Variants in TRPM3 observed in about 807,000 individuals in gnomAD.
TRPM3 encodes long transient receptor potential channel 3.
In TRPM3, 77 loss-of-function variants were observed where a neutral mutation model predicts 181.2. The observed-to-expected ratio is 0.42, with a 90% confidence interval of 0.35 to 0.51. The LOEUF is 0.51. Ranked by LOEUF, TRPM3 falls within the 20% of genes least tolerant of loss-of-function variation. The probability of loss-of-function intolerance (pLI) is 0.01; values close to 1 mark genes in which losing one functional copy is unlikely to be tolerated. For synonymous variants in TRPM3, 745 were observed against 796.4 expected (o/e 0.94, Z 1.09); for missense variants, 1,759 against 2,196.7 (o/e 0.80, Z 3.98).
chr9:71,337,189 G>A (rs1381963029), intron 1 of TRPM3, among the ~76,000 whole-genome samples: 4 of 150,846 alleles, frequency 2.7e-5, no homozygotes, highest in African/African-American at 7.3e-5. Context: ...GAAGCCCATC[G>A]ACAAAGGGCT....
chr9:70,962,490 G>A (rs940349405), intron 1 of TRPM3, among the ~76,000 whole-genome samples: 23 of 152,020 alleles, frequency 1.5e-4, no homozygotes, highest in African/African-American at 5.3e-4. Flanking sequence ...CTCTGCAATG[G>A]GGATATTATA....
intron 1 of TRPM3, among the ~76,000 whole-genome samples, chr9:71,237,243 A>G (rs946892820): frequency 6.6e-6 from 1 of 152,202 alleles, no homozygotes; most frequent in Non-Finnish European, 1.5e-5. Context: ...TTTTGATCAG[A>G]GACTTAATAT....
chr9:71,439,846 C>T (rs1402454477), intron 1 of TRPM3, among the ~76,000 whole-genome samples: 7 of 152,014 alleles, frequency 4.6e-5, no homozygotes, highest in South Asian at 2.1e-4. Context: ...TTAGGCTGGG[C>T]GCAGTGGCTC....
intron 6 of TRPM3, among the ~76,000 whole-genome samples, chr9:70,793,896 A>G (rs1278327514): frequency 6.6e-6 from 1 of 152,140 alleles, no homozygotes; most frequent in African/African-American, 2.4e-5. Context: ...GTGTTAGATG[A>G]TTGTACCCAT....
At chr9:70,591,596 C>A (rs2058120728) in intron 21 of TRPM3, among the ~76,000 whole-genome samples, 1 of 152,118 alleles carries the variant, frequency 6.6e-6, no homozygotes, top group Non-Finnish European at 1.5e-5. Context: ...CTCTTTGGGT[C>A]TCTTTCTTCT....
chr9:70,962,128 T>C (rs3010429), intron 1 of TRPM3, among the ~76,000 whole-genome samples: 7,025 of 152,188 alleles, frequency 0.046, 265 homozygotes, highest in African/African-American at 0.1. Flanking sequence ...ACACACAAAA[T>C]GGACTGATTT....
intron 1 of TRPM3, among the ~76,000 whole-genome samples, chr9:71,320,041 T>C (rs1316462704): frequency 1.3e-5 from 2 of 151,926 alleles, no homozygotes; most frequent in Non-Finnish European, 2.9e-5. Context: ...TGGAAGAAGA[T>C]GGGAATATGA....
intron 9 of TRPM3, among the ~76,000 whole-genome samples, chr9:70,665,313 C>T (rs917856025): frequency 2.0e-5 from 3 of 152,040 alleles, no homozygotes; most frequent in East Asian, 1.9e-4. Flanking sequence ...TTTGAAGAAT[C>T]GAAGCTATAT....
At chr9:71,240,140 G>A (rs928349148) in intron 1 of TRPM3, among the ~76,000 whole-genome samples, 4 of 152,282 alleles carry the variant, frequency 2.6e-5, no homozygotes, top group Middle Eastern at 3.4e-3. Context: ...TTACATAAAT[G>A]TAGTTTCTTT....
chr9:71,086,478 C>T (rs956782883), intron 1 of TRPM3, among the ~76,000 whole-genome samples: 3 of 151,876 alleles, frequency 2.0e-5, no homozygotes, highest in Admixed American at 6.6e-5. Flanking sequence ...GATTTAGATG[C>T]CCATCACCAA....
At chr9:71,077,402 T>C (rs541136140) in intron 1 of TRPM3, among the ~76,000 whole-genome samples, 1 of 152,288 alleles carries the variant, frequency 6.6e-6, no homozygotes, top group South Asian at 2.1e-4. Context: ...GCTTCATCAT[T>C]TGACTCATCA....
At chr9:71,345,151 A>G (rs1026676788) in intron 1 of TRPM3, among the ~76,000 whole-genome samples, 1 of 152,330 alleles carries the variant, frequency 6.6e-6, no homozygotes, top group Non-Finnish European at 1.5e-5. Context: ...GGGAATGTAC[A>G]TTAGTTCAAC....
chr9:71,387,640 C>T (rs1168430171), intron 1 of TRPM3, among the ~76,000 whole-genome samples: 1 of 152,056 alleles, frequency 6.6e-6, no homozygotes, highest in Non-Finnish European at 1.5e-5. Context: ...TATTTTATTA[C>T]TTATTAAAAT....
intron 6 of TRPM3, among the ~76,000 whole-genome samples, chr9:70,793,235 T>C (rs2085976629): frequency 6.6e-6 from 1 of 152,020 alleles, no homozygotes; most frequent in African/African-American, 2.4e-5. Flanking sequence ...GGGAGGATCA[T>C]TTGAGCCCAG....
intron 1 of TRPM3, among the ~76,000 whole-genome samples, chr9:70,961,920 T>C (rs924002995): frequency 1.3e-5 from 2 of 152,156 alleles, no homozygotes; most frequent in Non-Finnish European, 2.9e-5. Flanking sequence ...CAGATTTTCA[T>C]AGAGACTCTA....
At chr9:70,599,201 C>T (rs969401757) in intron 20 of TRPM3, among the ~76,000 whole-genome samples, 1 of 152,114 alleles carries the variant, frequency 6.6e-6, no homozygotes, top group Non-Finnish European at 1.5e-5. Flanking sequence ...ACTGGTATCC[C>T]CATCATCGTC....
intron 7 of TRPM3, among the ~76,000 whole-genome samples, chr9:70,770,035 CT>C (rs2079916577): frequency 6.6e-6 from 1 of 152,144 alleles, no homozygotes; most frequent in Non-Finnish European, 1.5e-5. Flanking sequence ...GATCCTTTTC[CT>C]TTTAATCAGA....
intron 1 of TRPM3, among the ~76,000 whole-genome samples, chr9:70,938,354 C>A (rs1207904387): frequency 6.6e-6 from 1 of 152,180 alleles, no homozygotes; most frequent in Non-Finnish European, 1.5e-5. Flanking sequence ...GTCACCAACG[C>A]CACTGGATAA....
At chr9:71,109,843 G>A (rs2070657587) in intron 1 of TRPM3, among the ~76,000 whole-genome samples, 1 of 152,090 alleles carries the variant, frequency 6.6e-6, no homozygotes, top group Admixed American at 6.6e-5. Flanking sequence ...ATAAAGAGGA[G>A]TAACTGAACC....
Sources: allele counts gnomAD v4.1 joint callset (sites outside exome capture counted in the v4.1 genomes callset), GRCh38; gene constraint gnomAD v4.1.1; transcripts MANE v1.5; gene names NCBI Gene and HGNC (gene_info 2026-07-23, HGNC 2026-07-21).